The following CNTNAP2 variants were observed in gnomAD, a reference collection of about 807,000 sequenced individuals.
CNTNAP2 encodes the protein contactin associated protein 2, also known as contactin-associated protein-like 2.
A neutral mutation model predicts 155.2 loss-of-function variants in CNTNAP2; 98 were observed. The observed-to-expected ratio is 0.63, with a 90% CI of 0.54 to 0.75. The LOEUF (loss-of-function observed/expected upper bound fraction) is 0.75. CNTNAP2 is among the 30% of genes least tolerant of loss of function. The pLI, the probability that CNTNAP2 is intolerant of heterozygous loss-of-function variation, is 0.00. For synonymous variants in CNTNAP2, 651 were observed against 631.2 expected, an observed-to-expected ratio of 1.03 and a Z score of -0.47; for missense variants, 1,727 against 1,688.1, an observed-to-expected ratio of 1.02 and a Z score of -0.40.
chr7:146,166,237 G>A (rs973214130), intron 1 of CNTNAP2, among the ~76,000 whole-genome samples: 12 of 152,060 alleles, frequency 7.9e-5, no homozygotes, highest in African/African-American at 2.9e-4. Context: ...GGGATTACAG[G>A]CACCCACCAC....
chr7:146,350,503 G>A (rs1794896907), intron 1 of CNTNAP2, among the ~76,000 whole-genome samples: 1 of 151,922 alleles, frequency 6.6e-6, no homozygotes, highest in Non-Finnish European at 1.5e-5. Flanking sequence ...CAGTTAGAAT[G>A]GCAATCATTA....
At chr7:146,313,511 G>A (rs2129091139) in intron 1 of CNTNAP2, among the ~76,000 whole-genome samples, 1 of 152,204 alleles carries the variant, frequency 6.6e-6, no homozygotes, top group Middle Eastern at 3.4e-3. Flanking sequence ...TCTTCATCGA[G>A]TTGTTTCCTT....
chr7:146,152,910 T>C (rs570341794), intron 1 of CNTNAP2, among the ~76,000 whole-genome samples: 3 of 152,234 alleles, frequency 2.0e-5, no homozygotes, highest in African/African-American at 7.2e-5. Context: ...TATAAAAATA[T>C]ACATTTTATG....
chr7:147,217,332 C>T (rs1426890640), intron 8 of CNTNAP2, among the ~76,000 whole-genome samples: 1 of 151,608 alleles, frequency 6.6e-6, no homozygotes, highest in African/African-American at 2.4e-5. Context: ...CCCCTTATTC[C>T]TAGGTTACTG....
chr7:148,372,141 G>C (rs1283717052), intron 21 of CNTNAP2, among the ~76,000 whole-genome samples: 1 of 151,902 alleles, frequency 6.6e-6, no homozygotes, highest in African/African-American at 2.4e-5. Context: ...GTTGGAGGTT[G>C]CAGTGAGTCA....
intron 1 of CNTNAP2, among the ~76,000 whole-genome samples, chr7:146,420,889 GAAGA>G (rs1796002223): frequency 6.6e-6 from 1 of 152,044 alleles, no homozygotes; most frequent in Non-Finnish European, 1.5e-5. Context: ...ATTAATGAAT[GAAGA>G]AAGAAACAAA....
chr7:147,471,164 A>G (rs1343600963), intron 10 of CNTNAP2, among the ~76,000 whole-genome samples: 2 of 152,196 alleles, frequency 1.3e-5, no homozygotes, highest in Non-Finnish European at 2.9e-5. Context: ...CAAGTGTCCA[A>G]ACTTAACAGC....
At chr7:147,772,749 T>A (rs1797495120) in intron 13 of CNTNAP2, among the ~76,000 whole-genome samples, 1 of 152,046 alleles carries the variant, frequency 6.6e-6, no homozygotes, top group Non-Finnish European at 1.5e-5. Context: ...CACTGAATCC[T>A]TCTTCTAGCC....
chr7:146,135,163 T>C (rs768059722), intron 1 of CNTNAP2, among the ~76,000 whole-genome samples: 1 of 152,164 alleles, frequency 6.6e-6, no homozygotes, highest in Admixed American at 6.6e-5. Context: ...ATGAAAGATG[T>C]CATAGAAAAT....
chr7:147,593,322 C>T (rs567948125), intron 12 of CNTNAP2, among the ~76,000 whole-genome samples: 1 of 148,762 alleles, frequency 6.7e-6, no homozygotes, highest in Non-Finnish European at 1.5e-5. Context: ...GCATAATTTA[C>T]AGTTGTGGAA....
At chr7:147,807,421 C>A (rs773315945) in intron 13 of CNTNAP2, among the ~76,000 whole-genome samples, 8 of 149,774 alleles carry the variant, frequency 5.3e-5, no homozygotes, top group Non-Finnish European at 1.0e-4. Flanking sequence ...TGATTTTTAT[C>A]ATTACACCTT....
chr7:147,151,000 G>T (rs1401453717), intron 8 of CNTNAP2, among the ~76,000 whole-genome samples: 1 of 152,140 alleles, frequency 6.6e-6, no homozygotes, highest in Non-Finnish European at 1.5e-5. Context: ...GCAGTCTGTG[G>T]CAACTAAGAG....
At chr7:146,983,688 G>A (rs1798062461) in intron 3 of CNTNAP2, among the ~76,000 whole-genome samples, 1 of 152,188 alleles carries the variant, frequency 6.6e-6, no homozygotes, top group Non-Finnish European at 1.5e-5. Context: ...AAAAACAAGT[G>A]TGCTGCATTC....
At chr7:146,324,519 A>G (rs1801063588) in intron 1 of CNTNAP2, among the ~76,000 whole-genome samples, 1 of 152,202 alleles carries the variant, frequency 6.6e-6, no homozygotes, top group African/African-American at 2.4e-5. Flanking sequence ...CTCTAGACGT[A>G]GTAGAAATAC....
chr7:146,534,841 T>C (rs1217093498), intron 1 of CNTNAP2, among the ~76,000 whole-genome samples: 1 of 151,132 alleles, frequency 6.6e-6, no homozygotes, highest in Non-Finnish European at 1.5e-5. Flanking sequence ...TTTATTGCCA[T>C]TATGATTTTA....
intron 1 of CNTNAP2, among the ~76,000 whole-genome samples, chr7:146,483,326 T>TATATGTATATAC (rs1554439604): frequency 1.3e-5 from 1 of 79,260 alleles, no homozygotes; most frequent in Non-Finnish European, 2.3e-5. Context: ...TATATATATA[T>TATATGTATATAC]ATACATATAT....
intron 13 of CNTNAP2, among the ~76,000 whole-genome samples, chr7:147,785,414 A>G (rs1164908339): frequency 6.6e-6 from 1 of 152,152 alleles, no homozygotes; most frequent in Non-Finnish European, 1.5e-5. Context: ...ACTTTGTAAT[A>G]TGGAGCTTCT....
At chr7:148,180,088 A>G (rs1035974718) in intron 18 of CNTNAP2, among the ~76,000 whole-genome samples, 1 of 152,252 alleles carries the variant, frequency 6.6e-6, no homozygotes, top group Non-Finnish European at 1.5e-5. Flanking sequence ...GGAAGTATGC[A>G]TCTTAGAATT....
intron 17 of CNTNAP2, among the ~76,000 whole-genome samples, chr7:148,150,842 C>T: frequency 6.6e-6 from 1 of 152,022 alleles, no homozygotes; most frequent in African/African-American, 2.4e-5. Flanking sequence ...CTCCCAGGCT[C>T]AAGGGATCCT....
Sources: allele counts gnomAD v4.1 joint callset (sites outside exome capture counted in the v4.1 genomes callset), GRCh38; gene constraint gnomAD v4.1.1; transcripts MANE v1.5; gene names NCBI Gene and HGNC (gene_info 2026-07-23, HGNC 2026-07-21).